Variants in ADGRV1 observed in about 807,000 individuals in gnomAD.
ADGRV1 encodes G-protein coupled receptor 98.
In ADGRV1, 359 loss-of-function variants were observed where a neutral mutation model predicts 596.2. That is an observed-to-expected ratio of 0.60 (90% confidence interval 0.55 to 0.66). The LOEUF (loss-of-function observed/expected upper bound fraction) is 0.66, where lower values mean the gene tolerates loss of function less well. ADGRV1 is among the 30% of genes least tolerant of loss of function. The pLI is 0.00. For synonymous variants in ADGRV1, 2,681 were observed against 2,679.2 expected, an observed-to-expected ratio of 1.00 and a Z score of -0.02; for missense variants, 7,274 against 7,575.6, an observed-to-expected ratio of 0.96 and a Z score of 1.48.
chr5:91,138,237 G>GA (rs536525545), intron 87 of ADGRV1, among the ~76,000 whole-genome samples: 20,073 of 140,838 alleles, frequency 0.14, 1,389 homozygotes, highest in Middle Eastern at 0.21. Context: ...ATGGGTTGGA[G>GA]AAAAAAAAAA....
At chr5:91,161,510 T>TG (rs1329299949) in intron 89 of ADGRV1, among the ~76,000 whole-genome samples, 1 of 146,806 alleles carries the variant, frequency 6.8e-6, no homozygotes, top group Non-Finnish European at 1.5e-5. Context: ...TTTTGTTAGT[T>TG]TTTTTTTTTT....
intron 89 of ADGRV1, among the ~76,000 whole-genome samples, chr5:91,163,035 A>C (rs1285219086): frequency 6.6e-6 from 1 of 152,202 alleles, no homozygotes; most frequent in Non-Finnish European, 1.5e-5. Flanking sequence ...AAAGAAAAGA[A>C]CATTGTTCTC....
At chr5:90,841,036 A>G in intron 78 of ADGRV1, 51 bp downstream of exon 78, 1 of 1,366,226 alleles carries the variant, frequency 7.3e-7, no homozygotes, top group Non-Finnish European at 9.6e-7. Context: ...TTGTAAATTT[A>G]AAAACCCAAG....
At chr5:90,848,873 T>C in intron 79 of ADGRV1, 52 bp downstream of exon 79, 1 of 1,303,062 alleles carries the variant, frequency 7.7e-7, no homozygotes, top group Non-Finnish European at 1.1e-6. Flanking sequence ...TTTTTCACTG[T>C]TTACAAAGCA....
At chr5:90,964,594 T>C (rs977830998) in intron 83 of ADGRV1, among the ~76,000 whole-genome samples, 1 of 152,178 alleles carries the variant, frequency 6.6e-6, no homozygotes, top group African/African-American at 2.4e-5. Context: ...ACTTGCTCAT[T>C]ACTCAGCAAG....
intron 83 of ADGRV1, among the ~76,000 whole-genome samples, chr5:90,866,390 C>T (rs1436601283): frequency 6.7e-6 from 1 of 149,690 alleles, no homozygotes; most frequent in Non-Finnish European, 1.5e-5. Context: ...AAGATTATTC[C>T]TGCTTTAAAA....
chr5:90,719,878 A>G (rs1750686298), intron 43 of ADGRV1, among the ~76,000 whole-genome samples, 170 bp from the exon 44 acceptor site: 1 of 152,252 alleles, frequency 6.6e-6, no homozygotes, highest in East Asian at 1.9e-4. Context: ...AAAAGTAGTA[A>G]CCTGAAACAG....
chr5:90,806,921 C>T (rs1298962955), intron 72 of ADGRV1, among the ~76,000 whole-genome samples: 1 of 151,802 alleles, frequency 6.6e-6, no homozygotes, highest in African/African-American at 2.4e-5. Context: ...GGCGCCATCT[C>T]AACTCACTGC....
intron 34 of ADGRV1, among the ~76,000 whole-genome samples, chr5:90,702,928 T>G (rs1435352441): frequency 1.3e-5 from 2 of 152,036 alleles, no homozygotes; most frequent in African/African-American, 4.8e-5. Flanking sequence ...TGAGCATATT[T>G]TCAACAAGTC....
At chr5:90,729,004 A>G in intron 49 of ADGRV1, 71 bp downstream of exon 49, 6 of 1,073,578 alleles carry the variant, frequency 5.6e-6, no homozygotes, top group Admixed American at 2.7e-5. Flanking sequence ...GGTATATTTT[A>G]TATGAAAATG....
chr5:90,665,289 G>A (rs1407914108), intron 21 of ADGRV1, among the ~76,000 whole-genome samples: 2 of 152,068 alleles, frequency 1.3e-5, no homozygotes, highest in Non-Finnish European at 2.9e-5. Context: ...CACAATTTCA[G>A]AACCTGTTAT....
rs1319523086 is a variant in ADGRV1 at position 90,978,173 on chromosome 5, TA to T, written c.17974-7170del. On this transcript the variant is annotated intron_variant, in intron 84 of 89. Coordinates refer to ENST00000405460, the MANE Select transcript of ADGRV1 (RefSeq NM_032119.4). ...AGCCAGGCATGGTGGCAGGCGCCTG[TA>T]GTCCCAGCTACTAGGGAGGCTGAGG... is the stretch of plus-strand genomic sequence containing the variant. Among the ~76,000 whole-genome samples the T allele has an allele frequency of 2.0e-5, 3 of 152,008 alleles. No homozygotes were observed. In the East Asian group the frequency reaches 5.8e-4, roughly 29 times the overall value.
At chr5:91,062,278 A>C (rs1237537321) in intron 85 of ADGRV1, among the ~76,000 whole-genome samples, 1 of 152,178 alleles carries the variant, frequency 6.6e-6, no homozygotes, top group Non-Finnish European at 1.5e-5. Flanking sequence ...ATAATGTGCA[A>C]CTGTCCCTGT....
chr5:90,965,451 C>T lies in ADGRV1; in HGVS notation c.17893C>T (p.Leu5965Phe), dbSNP rs1157818600. Reference protein sequence around the residue: ...FLASAYASPQLAEESCSAMAA... With the variant: ...FLASAYASPQFAEESCSAMAA... ...GGCGTCTGCATACGCAAGTCCCCAA[C>T]TCGCTGAGGAGAGCTGTTCAGCTAT... Residue 5965 changes from leucine (L) to phenylalanine (F), a missense_variant, in exon 84 of 90, where the codon CTC becomes TTC. Leu to Phe is a conservative substitution (Grantham distance 22). Around this residue, in one of 5 missense-constraint regions of ADGRV1, gnomAD observed 1,874 missense variants for 1,970.2 expected, o/e 0.95. Coordinates refer to ENST00000405460, the MANE Select transcript of ADGRV1 (RefSeq NM_032119.4). 6.2e-7 allele frequency: 1 copy of T among 1,613,734 alleles called. No homozygotes were observed. The highest frequency in any genetic ancestry group is 1.7e-5 in the Admixed American group (1 of 60,038).
intron 29 of ADGRV1, among the ~76,000 whole-genome samples, chr5:90,686,302 G>GT (rs1319715077): frequency 3.3e-5 from 5 of 151,932 alleles, no homozygotes; most frequent in African/African-American, 9.7e-5. Context: ...CCATGCTGGT[G>GT]TGCTGCACCC....
Position 90,627,477 on chromosome 5 carries a change from A to G in ADGRV1, c.939A>G (p.Thr313=). 2 of 1,614,012 alleles carry G rather than the reference A, an allele frequency of 1.2e-6. No individual in the cohort carries two copies. The highest frequency in any genetic ancestry group is 1.7e-6 in the Non-Finnish European group (2 of 1,179,882). ...ATGCTGTCACAACTGGGAATTCCAC[A>G]GCACATGCCCAGCAAAATCTGGACT... The part of the protein sequence containing the change: ...ISYAVTTGNS[T]AHAQQNLDFI... The change falls in exon 7 of 90, where the codon ACA becomes ACG. Residue 313 remains threonine, a synonymous_variant. Coordinates refer to ENST00000405460, the MANE Select transcript of ADGRV1 (RefSeq NM_032119.4).
At chr5:90,947,661 G>A (rs1452626168) in intron 83 of ADGRV1, among the ~76,000 whole-genome samples, 1 of 152,030 alleles carries the variant, frequency 6.6e-6, no homozygotes, top group African/African-American at 2.4e-5. Context: ...AGGGAGGTAG[G>A]AGGAAGAGAA....
intron 72 of ADGRV1, among the ~76,000 whole-genome samples, chr5:90,805,899 C>G (rs1247154708): frequency 6.6e-6 from 1 of 152,076 alleles, no homozygotes; most frequent in Non-Finnish European, 1.5e-5. Flanking sequence ...TAGTGAGATG[C>G]AAATGTTAGA....
At chr5:91,131,520 G>A (rs1019413734) in intron 87 of ADGRV1, among the ~76,000 whole-genome samples, 1 of 150,346 alleles carries the variant, frequency 6.7e-6, no homozygotes. Flanking sequence ...GCATGATCTC[G>A]GCTCACTGTA....
Sources: gnomAD v4.1 joint callset for allele counts (sites outside exome capture counted in the v4.1 genomes callset) on GRCh38, gnomAD v4.1.1 for gene constraint, gnomAD v4.1.1 regional missense constraint, MANE v1.5 for transcripts, NCBI Gene and HGNC (gene_info 2026-07-23, HGNC 2026-07-21) for gene names.